Variants in RPAP2 observed in about 807,000 individuals in gnomAD.
RPAP2 encodes the protein RNA polymerase II associated protein 2.
A neutral mutation model predicts 73.1 loss-of-function variants in RPAP2; 52 were observed. The ratio of observed to expected loss-of-function variants is 0.71; its 90% CI spans 0.57 to 0.90. RPAP2 has a LOEUF of 0.90. Ranked by LOEUF, RPAP2 falls within the 40% of genes least tolerant of loss-of-function variation. The pLI is 0.00. For missense variants in RPAP2, 598 were observed against 701.8 expected (o/e 0.85, Z 1.67); for synonymous variants, 225 against 242.1 (o/e 0.93, Z 0.65).
In RPAP2 at chr1:92,399,922, G is replaced by A. The variant is rs1228555200; in HGVS notation, c.*12911G>A. 2.6e-5 allele frequency: 4 copies of A among 152,050 alleles called. No individual in the cohort carries two copies. Among genetic ancestry groups the A allele is most frequent in the Admixed American group, 6.6e-5 (1 of 15,254 alleles). The allele number at this position is 152,050 out of a possible 1,614,324, so 9.4% of individuals were successfully genotyped here. On this transcript the variant is annotated 3_prime_UTR_variant, in exon 13 of 13. Coordinates refer to ENST00000610020, the MANE Select transcript of RPAP2 (RefSeq NM_024813.3). ...TGGGCATCCAGATAAGATTTTCTTC[G>A]TACAAAGAGTCTTGCTACTAGGAAA...
At position 92,307,248 on chromosome 1, in the gene RPAP2, A is replaced by G. The variant is rs549205131; in HGVS notation, c.460A>G (p.Thr154Ala). The change falls in exon 6 of 13, where the codon ACT becomes GCT. Residue 154 changes from threonine to alanine, a missense_variant. Physicochemically the swap from Thr to Ala is moderately conservative, Grantham distance 58 (BLOSUM62 0). Around this residue, in one of 3 missense-constraint regions of RPAP2, gnomAD observed 506 missense variants for 612.8 expected, o/e 0.83. Transcript: ENST00000610020. ...SKFFEAQIPKTPVWVREEERH... is the reference protein window; with the variant it reads ...SKFFEAQIPKAPVWVREEERH... ...GTTTTTTGAAGCACAAATTCCCAAAACTCCAGTATGGGTTCGAGAAGAAGA... is the reference window on the plus strand; with the variant it reads ...GTTTTTTGAAGCACAAATTCCCAAAGCTCCAGTATGGGTTCGAGAAGAAGA... The G allele has an allele frequency of 1.9e-6, 3 of 1,611,768 alleles. No individual in the cohort carries two copies. In the South Asian group the frequency reaches 3.3e-5, roughly 18 times the overall value.
At chr1:92,333,228 C>T (rs534267737) in intron 8 of RPAP2, 163 bp from the exon 9 acceptor site, 1 of 589,872 alleles carries the variant, frequency 1.7e-6, no homozygotes, top group East Asian at 2.8e-5. Flanking sequence ...AACAGCCTAA[C>T]AACTGAGTTG....
At chr1:92,319,254 C>T (rs1287419436) in intron 6 of RPAP2, among the ~76,000 whole-genome samples, 1 of 152,162 alleles carries the variant, frequency 6.6e-6, no homozygotes, top group Non-Finnish European at 1.5e-5. Flanking sequence ...GCATTTAACA[C>T]ATATTGTCTT....
intron 11 of RPAP2, among the ~76,000 whole-genome samples, 158 bp downstream of exon 11, chr1:92,346,072 A>G (rs1346437621): frequency 1.3e-5 from 2 of 151,898 alleles, no homozygotes; most frequent in Admixed American, 6.6e-5. Context: ...AACAATTTTT[A>G]TTTAAAGTGA....
In RPAP2 at chr1:92,401,524, G is replaced by C. The variant is rs1430726567; in HGVS notation, c.*14513G>C. On this transcript the variant is annotated 3_prime_UTR_variant, in exon 13 of 13. Transcript: ENST00000610020. ...GTACTTGTTCTTTGCCAACCCATATGTCTTGCCTTACTGCCCTGGTTAGGA... is the reference window on the plus strand; with the variant it reads ...GTACTTGTTCTTTGCCAACCCATATCTCTTGCCTTACTGCCCTGGTTAGGA... The C allele has an allele frequency of 6.6e-6, 1 of 152,142 alleles. No homozygotes were observed. 9.4% of individuals were successfully genotyped at this position (152,142 alleles called of 1,614,324 possible).
At chr1:92,305,143 AG>A (rs1341829125) in intron 5 of RPAP2, among the ~76,000 whole-genome samples, 2 of 151,564 alleles carry the variant, frequency 1.3e-5, no homozygotes, top group Non-Finnish European at 2.9e-5. Flanking sequence ...TTCAAAAAAA[AG>A]ACAATAGACC....
intron 10 of RPAP2, among the ~76,000 whole-genome samples, chr1:92,339,941 T>A (rs561849808): frequency 1.3e-5 from 2 of 152,292 alleles, no homozygotes; most frequent in South Asian, 2.1e-4. Context: ...AGATTAGCAG[T>A]AGTGTTGAAT....
chr1:92,341,101 C>T (rs921315100), intron 10 of RPAP2, among the ~76,000 whole-genome samples: 9 of 151,968 alleles, frequency 5.9e-5, no homozygotes, highest in African/African-American at 2.2e-4. Flanking sequence ...CTCTGCCTCC[C>T]AGTCTCAAGC....
intron 10 of RPAP2, among the ~76,000 whole-genome samples, chr1:92,337,438 C>T (rs1017898164): frequency 1.3e-5 from 2 of 152,048 alleles, no homozygotes; most frequent in Non-Finnish European, 2.9e-5. Context: ...AAGTCTTTTA[C>T]TAGAAAGAGC....
At chr1:92,354,038 G>A (rs1010767927) in intron 11 of RPAP2, among the ~76,000 whole-genome samples, 2 of 152,064 alleles carry the variant, frequency 1.3e-5, no homozygotes, top group Admixed American at 6.6e-5. Flanking sequence ...CAAGGATCCT[G>A]AGCAAAAAGA....
chr1:92,307,035 C>T (rs533200661), intron 5 of RPAP2, among the ~76,000 whole-genome samples, 153 bp from the exon 6 acceptor site: 12 of 152,194 alleles, frequency 7.9e-5, no homozygotes, highest in African/African-American at 2.9e-4. Flanking sequence ...TAGAGGCCTT[C>T]AAAGGTTCAG....
chr1:92,329,103 T>C (rs1652811992), intron 8 of RPAP2, among the ~76,000 whole-genome samples: 1 of 152,092 alleles, frequency 6.6e-6, no homozygotes, highest in African/African-American at 2.4e-5. Context: ...GCTGGTTTTG[T>C]GTTGGTTGGC....
At chr1:92,386,803 C>A (rs774014765) in intron 12 of RPAP2, among the ~76,000 whole-genome samples, 2 of 152,038 alleles carry the variant, frequency 1.3e-5, no homozygotes, top group Admixed American at 1.3e-4. Flanking sequence ...CGAGTTCAAG[C>A]AATTCTTCTG....
intron 12 of RPAP2, among the ~76,000 whole-genome samples, chr1:92,381,259 C>G (rs911507661): frequency 1.3e-5 from 2 of 152,140 alleles, no homozygotes; most frequent in Non-Finnish European, 2.9e-5. Flanking sequence ...CATCCTACTG[C>G]CCCTTTCAGT....
intron 11 of RPAP2, among the ~76,000 whole-genome samples, chr1:92,358,141 G>C (rs34090353): frequency 0.31 from 47,604 of 151,992 alleles, 7,952 homozygotes; most frequent in Non-Finnish European, 0.36. Flanking sequence ...TCCACCTTGC[G>C]TCAGCCCTTC....
In RPAP2 at chr1:92,380,780, G is replaced by A. The variant is rs746221748; in HGVS notation, c.1745G>A (p.Arg582Gln). 6.2e-6 allele frequency: 10 copies of A among 1,606,470 alleles called. No individual in the cohort carries two copies. Among genetic ancestry groups the A allele is most frequent in the South Asian group, 3.4e-5 (3 of 89,390 alleles). ...TCTCAGGAAGGTATGGTGTTTACAC[G>A]GTTTCTAGACACCCTCCTTGAAGAA... ...KHSQEGMVFT[R>Q]FLDTLLEELH... Residue 582 changes from arginine to glutamine, a missense_variant, in exon 12 of 13, where the codon CGG becomes CAG. Transcript: ENST00000610020.
chr1:92,331,885 G>T (rs1056181275), intron 8 of RPAP2, among the ~76,000 whole-genome samples: 3 of 152,022 alleles, frequency 2.0e-5, no homozygotes, highest in African/African-American at 7.2e-5. Flanking sequence ...ACTTTTGAAA[G>T]ATATTTTTCT....
chr1:92,399,507 G>GC lies in RPAP2; in HGVS notation c.*12499dup, dbSNP rs1310530314. Reference sequence around the variant, plus strand: ...AGCAGGAAAAGCCAGTCCCCTAGATGCCCATCTGACCCTACCTTACTGGGG... The same window carrying GC: ...AGCAGGAAAAGCCAGTCCCCTAGATGCCCCATCTGACCCTACCTTACTGGGG... On this transcript the variant is annotated 3_prime_UTR_variant, in exon 13 of 13. Transcript: ENST00000610020. 6.6e-6 allele frequency: 1 copy of GC among 152,120 alleles called. No individual in the cohort carries two copies. Among genetic ancestry groups the GC allele is most frequent in the African/African-American group, 2.4e-5 (1 of 41,432 alleles). The allele number at this position is 152,120 out of a possible 1,614,324, so 9.4% of individuals were successfully genotyped here.
rs1458192078 is a variant in RPAP2, at chr1:92,300,207, A to G, written c.87A>G (p.Thr29=). 7 of 1,609,916 alleles carry G rather than the reference A, an allele frequency of 4.3e-6. No homozygotes were observed. The highest frequency in any genetic ancestry group is 5.9e-6 in the Non-Finnish European group (7 of 1,176,636). Residue 29 remains threonine, a synonymous_variant, in exon 2 of 13, where the codon ACA becomes ACG. Transcript: ENST00000610020. The part of the protein sequence containing the change: ...CSRKAAGTKQ[T]STLKQEDASK... The stretch of plus-strand genomic sequence containing the variant: ...TTTTTATTGTAGGTACTAAACAGAC[A>G]AGTACTTTGAAACAAGAAGATGCTT...
Sources: allele counts gnomAD v4.1 joint callset (sites outside exome capture counted in the v4.1 genomes callset), GRCh38; gene constraint gnomAD v4.1.1; regional missense constraint gnomAD v4.1.1; transcripts MANE v1.5; gene names NCBI Gene and HGNC (gene_info 2026-07-23, HGNC 2026-07-21).